Variants in SYNCRIP observed in about 807,000 individuals in gnomAD.
The protein encoded by SYNCRIP is heterogeneous nuclear ribonucleoprotein Q.
Under a neutral mutation model 68.9 loss-of-function variants are expected in SYNCRIP, and 9 were observed. That is an observed-to-expected ratio of 0.13 (90% confidence interval 0.08 to 0.23). The LOEUF (loss-of-function observed/expected upper bound fraction) is 0.23. Among genes scored for constraint, SYNCRIP ranks in the 10% least tolerant of loss-of-function variants. The probability of loss-of-function intolerance (pLI) is 1.00; values close to 1 mark genes in which losing one functional copy is unlikely to be tolerated. For missense variants in SYNCRIP, 414 were observed against 770.6 expected (o/e 0.54, Z 5.48); for synonymous variants, 258 against 254.0 (o/e 1.02, Z -0.15).
intron 1 of SYNCRIP, among the ~76,000 whole-genome samples, chr6:85,642,408 G>A (rs376082768): frequency 1.6e-4 from 25 of 152,268 alleles, no homozygotes; most frequent in Non-Finnish European, 2.9e-4. Flanking sequence ...TCAGCGGACG[G>A]CTCAACGCCC....
intron 2 of SYNCRIP, 122 bp downstream of exon 2, chr6:85,641,170 A>G (rs931563492): frequency 1.4e-6 from 1 of 730,896 alleles, no homozygotes; most frequent in Non-Finnish European, 2.2e-6. Flanking sequence ...ACCAACTATC[A>G]CAACAAGCAA....
intron 1 of SYNCRIP, among the ~76,000 whole-genome samples, chr6:85,641,692 G>A (rs1236612483): frequency 6.6e-6 from 1 of 151,980 alleles, no homozygotes; most frequent in African/African-American, 2.4e-5. Context: ...CACTCCCTAG[G>A]AAAAACCATA....
chr6:85,640,549 C>T lies in SYNCRIP; in HGVS notation c.164G>A (p.Ser55Asn). The change falls in exon 3 of 11, where the codon AGT (serine) becomes AAT (asparagine). Residue 55 changes from serine (S) to asparagine (N), a missense_variant. By Grantham distance (46) the Ser-to-Asn change is conservative (BLOSUM62 1). Coordinates refer to ENST00000369622, the MANE Select transcript of SYNCRIP (RefSeq NM_006372.5). ...EIYVAGLVAH[S>N]DLDERAIEAL... ...TTCAATAGCTCTTTCATCTAAATCA[C>T]TATGTGCAACTAGCCCTGAAAAAAA... The T allele has an allele frequency of 6.3e-7, 1 of 1,579,528 alleles. No homozygotes were observed. The highest frequency in any genetic ancestry group is 8.6e-7 in the Non-Finnish European group (1 of 1,167,380).
At chr6:85,637,387 T>C (rs777449636) in intron 4 of SYNCRIP, 31 bp from the exon 5 acceptor site, 2 of 1,396,310 alleles carry the variant, frequency 1.4e-6, no homozygotes, top group South Asian at 2.4e-5. Flanking sequence ...TTAATACATT[T>C]AATTCACTAG....
downstream of SYNCRIP, chr6:85,609,685 A>G (rs1805096992): frequency 6.6e-6 from 1 of 151,966 alleles, no homozygotes; most frequent in South Asian, 2.1e-4. Context: ...CTGAAAACTG[A>G]TAACCTAAAT....
chr6:85,630,250 TA>T (rs1807580446), intron 6 of SYNCRIP, among the ~76,000 whole-genome samples: 2 of 152,088 alleles, frequency 1.3e-5, no homozygotes, highest in South Asian at 4.1e-4. Flanking sequence ...TAGTCCCAGC[TA>T]CTCGGAGGCT....
intron 4 of SYNCRIP, among the ~76,000 whole-genome samples, chr6:85,637,879 G>C (rs890086540): frequency 1.3e-5 from 2 of 152,108 alleles, no homozygotes; most frequent in Non-Finnish European, 2.9e-5. Flanking sequence ...ATTATTATTT[G>C]ACATTTACGT....
At chr6:85,620,201 G>A (rs138538180) in intron 8 of SYNCRIP, among the ~76,000 whole-genome samples, 7 of 152,276 alleles carry the variant, frequency 4.6e-5, no homozygotes, top group East Asian at 3.9e-4. Flanking sequence ...AGCCGAGATC[G>A]TGCCACTGCA....
intron 4 of SYNCRIP, among the ~76,000 whole-genome samples, chr6:85,638,034 T>C (rs1808664583): frequency 6.6e-6 from 1 of 152,206 alleles, no homozygotes; most frequent in African/African-American, 2.4e-5. Flanking sequence ...CAACTCATAT[T>C]TACTCAGAGC....
chr6:85,626,994 G>A (rs531224108), intron 6 of SYNCRIP, among the ~76,000 whole-genome samples: 48 of 152,238 alleles, frequency 3.2e-4, no homozygotes, highest in East Asian at 1.4e-3. Context: ...GGCCAGGCGC[G>A]GTGGCTCATG....
At chr6:85,643,458 G>A (rs900117482), upstream of SYNCRIP, among the ~76,000 whole-genome samples, 2 of 151,828 alleles carry the variant, frequency 1.3e-5, no homozygotes, top group African/African-American at 4.8e-5. Flanking sequence ...CCGCTCCGAC[G>A]GTGGCGGCCG....
chr6:85,626,204 T>C (rs1371514601), intron 6 of SYNCRIP, among the ~76,000 whole-genome samples: 1 of 152,256 alleles, frequency 6.6e-6, no homozygotes, highest in Non-Finnish European at 1.5e-5. Flanking sequence ...AAGTAGATTA[T>C]AATGCCTTAT....
In SYNCRIP at chr6:85,641,338, A is replaced by T; in HGVS notation, c.102T>A (p.Gly34=). The change falls in exon 2 of 11, where the codon GGT becomes GGA. Residue 34 remains glycine (G), a synonymous_variant. Transcript: ENST00000369622. The stretch of plus-strand genomic sequence containing the variant: ...GTTTTTCAGCAACTTTCTGTGGTAA[A>T]CCAGCATCAAGCAATGTCTGAAAAT... ...SENFQTLLDA[G]LPQKVAEKLD... is the part of the protein sequence containing the mutation. 6.2e-7 allele frequency: 1 copy of T among 1,612,378 alleles called. No individual in the cohort carries two copies. The highest frequency in any genetic ancestry group is 8.5e-7 in the Non-Finnish European group (1 of 1,180,004).
In SYNCRIP at chr6:85,629,516, C is replaced by CAAAA. The variant is rs781083306; in HGVS notation, c.667-5408_667-5405dup. 1.2e-3 allele frequency among the ~76,000 whole-genome samples: 75 copies of CAAAA among 64,904 alleles called. 5 individuals carry two copies. The East Asian group carries it at 0.014, about 12-fold the overall frequency. 42.6% of individuals were successfully genotyped at this position (64,904 alleles called of 152,430 possible). On this transcript the variant is annotated intron_variant, in intron 6 of 10. Transcript: ENST00000369622. The stretch of plus-strand genomic sequence containing the variant: ...CAGCCTGGTCAACAAACTAAAAATA[C>CAAAA]AAAAAAAAAAAAAAAAAAAAAAAAG...
At chr6:85,635,078 T>C (rs962941151) in intron 6 of SYNCRIP, among the ~76,000 whole-genome samples, 3 of 152,170 alleles carry the variant, frequency 2.0e-5, no homozygotes, top group African/African-American at 4.8e-5. Flanking sequence ...GGCAGGAGAA[T>C]TGCCTGAGCC....
At chr6:85,632,200 T>C (rs1807876022) in intron 6 of SYNCRIP, among the ~76,000 whole-genome samples, 1 of 152,182 alleles carries the variant, frequency 6.6e-6, no homozygotes, top group Non-Finnish European at 1.5e-5. Context: ...GCTGTATCAG[T>C]ATTAAAAGAC....
At chr6:85,622,744 G>C in intron 7 of SYNCRIP, 57 bp from the exon 8 acceptor site, 1 of 1,346,520 alleles carries the variant, frequency 7.4e-7, no homozygotes, top group Non-Finnish European at 1.1e-6. Context: ...AAATACAAGT[G>C]GATCAAAGGA....
In SYNCRIP at chr6:85,614,422, T is replaced by C. The variant is rs1805530716; in HGVS notation, c.*334A>G. 1 of 1,023,490 alleles carries C rather than the reference T, an allele frequency of 9.8e-7. No individual in the cohort carries two copies. Among genetic ancestry groups the C allele is most frequent in the South Asian group, 4.6e-5 (1 of 21,720 alleles). The allele number at this position is 1,023,490 out of a possible 1,614,324, so 63.4% of individuals were successfully genotyped here. ...AAAGACACACTTGGTTTTAATCAACTACCTTTGAAGACACCAAATCTAAAC... is the reference window on the plus strand; with the variant it reads ...AAAGACACACTTGGTTTTAATCAACCACCTTTGAAGACACCAAATCTAAAC... On this transcript the variant is annotated 3_prime_UTR_variant, in exon 11 of 11. Transcript: ENST00000369622.
At chr6:85,638,616 G>A (rs1294915973) in intron 4 of SYNCRIP, among the ~76,000 whole-genome samples, 1 of 151,938 alleles carries the variant, frequency 6.6e-6, no homozygotes, top group Non-Finnish European at 1.5e-5. Flanking sequence ...GAAAATTACT[G>A]GACAGATTTT....
Sources: gnomAD v4.1 joint callset for allele counts (sites outside exome capture counted in the v4.1 genomes callset) on GRCh38, gnomAD v4.1.1 for gene constraint, MANE v1.5 for transcripts, NCBI Gene and HGNC (gene_info 2026-07-23, HGNC 2026-07-21) for gene names.